Variants in CACNA1C observed in about 807,000 individuals in gnomAD.
CACNA1C encodes calcium voltage-gated channel subunit alpha1 C.
A neutral mutation model predicts 229.0 loss-of-function variants in CACNA1C; 30 were observed. The observed-to-expected ratio is 0.13, with a 90% CI of 0.10 to 0.18. The LOEUF is 0.18. Among genes scored for constraint, CACNA1C ranks in the 10% least tolerant of loss-of-function variants. CACNA1C has a pLI of 1.00. For missense variants in CACNA1C, 1,658 were observed against 2,845.0 expected, an observed-to-expected ratio of 0.58 and a Z score of 9.49; for synonymous variants, 1,114 against 1,132.5, an observed-to-expected ratio of 0.98 and a Z score of 0.33.
chr12:2,521,069 G>C (rs1197555496), intron 9 of CACNA1C, among the ~76,000 whole-genome samples: 1 of 152,232 alleles, frequency 6.6e-6, no homozygotes, highest in Non-Finnish European at 1.5e-5. Flanking sequence ...CGATAACCTT[G>C]ATAAGCCAAC....
intron 3 of CACNA1C, among the ~76,000 whole-genome samples, chr12:2,206,314 A>G (rs1173163346): frequency 1.3e-5 from 2 of 152,212 alleles, no homozygotes; most frequent in African/African-American, 4.8e-5. Flanking sequence ...GTATTTTAAA[A>G]AAGCAGATGA....
At chr12:2,363,888 A>G (rs1000000032) in intron 3 of CACNA1C, among the ~76,000 whole-genome samples, 8 of 152,198 alleles carry the variant, frequency 5.3e-5, no homozygotes, top group African/African-American at 1.7e-4. Context: ...TTCAAATAGT[A>G]GGCAGACCCC....
At chr12:2,384,273 A>G (rs2098327541) in intron 3 of CACNA1C, among the ~76,000 whole-genome samples, 1 of 152,162 alleles carries the variant, frequency 6.6e-6, no homozygotes. Context: ...TGTTTGTTAC[A>G]TCTTGTTTCT....
rs555617142 is a variant in CACNA1C at position 2,139,265 on chromosome 12, C to T, written c.477+18835C>T. Among the ~76,000 whole-genome samples, 26 of 151,106 alleles carry T rather than the reference C, an allele frequency of 1.7e-4. 1 individual carries two copies. The highest frequency in any genetic ancestry group is 1.5e-3 in the South Asian group (7 of 4,720). On this transcript the variant is annotated intron_variant, in intron 3 of 46. Transcript: ENST00000399655. Reference sequence around the variant, plus strand: ...TCTCTGCCTCCGTCTTCACATGGCGCGCTCCCCTGGGTGTTTGTGTCTCTG... The same window carrying T: ...TCTCTGCCTCCGTCTTCACATGGCGTGCTCCCCTGGGTGTTTGTGTCTCTG...
At chr12:2,291,363 C>T (rs1402506645) in intron 3 of CACNA1C, among the ~76,000 whole-genome samples, 3 of 152,180 alleles carry the variant, frequency 2.0e-5, no homozygotes, top group African/African-American at 7.2e-5. Context: ...CCTACTCCGC[C>T]GCAGAATTTG....
intron 3 of CACNA1C, among the ~76,000 whole-genome samples, chr12:2,306,941 A>T (rs868775430): frequency 8.5e-5 from 13 of 152,262 alleles, no homozygotes; most frequent in Middle Eastern, 3.4e-3. Context: ...GGCTGTCAGG[A>T]ATTATGCTGT....
chr12:2,430,431 C>T (rs909442139), intron 3 of CACNA1C, among the ~76,000 whole-genome samples: 1 of 152,100 alleles, frequency 6.6e-6, no homozygotes, highest in African/African-American at 2.4e-5. Flanking sequence ...GCAAAGTGAC[C>T]CAGATACCTT....
Position 1,987,319 on chromosome 12 carries a change from C to A in CACNA1C, c.139+16118C>A, listed in dbSNP as rs371211435. ...CTAGTATGCTACTCTTAAACAGGTG[C>A]ACACTGGGCTAGAAAGGCTTTTGTG... On this transcript the variant is annotated intron_variant, in intron 1 of 46. Transcript: ENST00000682462. Among the ~76,000 whole-genome samples, 4 of 152,184 alleles carry A rather than the reference C, an allele frequency of 2.6e-5. No homozygotes were observed. In the East Asian group the frequency reaches 7.7e-4, roughly 29 times the overall value.
chr12:2,103,286 A>G (rs1011342442), intron 1 of CACNA1C, among the ~76,000 whole-genome samples: 4 of 152,202 alleles, frequency 2.6e-5, no homozygotes, highest in Non-Finnish European at 5.9e-5. Context: ...TCTAACTGGC[A>G]TGAGATGGTA....
At chr12:2,201,086 G>A (rs2097568083) in intron 3 of CACNA1C, among the ~76,000 whole-genome samples, 1 of 152,128 alleles carries the variant, frequency 6.6e-6, no homozygotes, top group South Asian at 2.1e-4. Context: ...AAGAGTGGTG[G>A]TTTATCTTTC....
chr12:2,473,644 A>G (rs1284760917), intron 5 of CACNA1C, among the ~76,000 whole-genome samples: 1 of 152,186 alleles, frequency 6.6e-6, no homozygotes, highest in East Asian at 1.9e-4. Context: ...CCTTTTAAAG[A>G]TGTTGAAACC....
intron 3 of CACNA1C, among the ~76,000 whole-genome samples, chr12:2,193,522 G>A (rs932018074): frequency 6.6e-6 from 1 of 152,230 alleles, no homozygotes; most frequent in Non-Finnish European, 1.5e-5. Flanking sequence ...GGCTGGTGTT[G>A]AGAGCTCGCC....
chr12:2,473,806 A>G (rs1235793708), intron 5 of CACNA1C, among the ~76,000 whole-genome samples: 1 of 152,232 alleles, frequency 6.6e-6, no homozygotes, highest in Non-Finnish European at 1.5e-5. Flanking sequence ...ACCACTATAG[A>G]AAATTTGGTT....
intron 3 of CACNA1C, among the ~76,000 whole-genome samples, chr12:2,379,728 A>G (rs1217090713): frequency 1.3e-5 from 2 of 152,190 alleles, no homozygotes; most frequent in Non-Finnish European, 2.9e-5. Flanking sequence ...GATGCGGGAC[A>G]TAATAATATA....
chr12:2,679,450 G>C lies in CACNA1C; in HGVS notation c.5098G>C (p.Gly1700Arg), dbSNP rs761966966. ...CCCTCCTTCTTGCCTACAGAGGGCC[G>C]GTGGCCTGTTCGGCAACCACGTCAG... Reference protein sequence around the residue: ...ASEDDIFRRAGGLFGNHVSYY... With the variant: ...ASEDDIFRRARGLFGNHVSYY... Residue 1700 changes from glycine (G) to arginine (R), a missense_variant, in exon 42 of 47, where the codon GGT becomes CGT. Physicochemically the swap from Gly to Arg is moderately radical, Grantham distance 125. Around this residue, in one of 20 missense-constraint regions of CACNA1C, gnomAD observed 590 missense variants for 700.8 expected, o/e 0.84. Transcript: ENST00000399655. The surrounding 1 kb of genome is among the most constrained non-coding windows in gnomAD (Gnocchi z 5.5). The C allele has an allele frequency of 4.5e-5, 70 of 1,560,550 alleles. No homozygotes were observed. The highest frequency in any genetic ancestry group is 6.1e-5 in the Non-Finnish European group (70 of 1,152,112).
At chr12:2,421,228 G>A (rs1277244372) in intron 3 of CACNA1C, among the ~76,000 whole-genome samples, 3 of 152,280 alleles carry the variant, frequency 2.0e-5, no homozygotes. Flanking sequence ...AACTGGGTTT[G>A]CAACTATTTT....
intron 1 of CACNA1C, among the ~76,000 whole-genome samples, chr12:2,045,523 G>T (rs975051021): frequency 1.3e-5 from 2 of 152,192 alleles, no homozygotes; most frequent in Admixed American, 1.3e-4. Context: ...TGACTGAAAG[G>T]ATTGTTTAAG....
At chr12:2,659,928 T>A (rs374151951) in intron 34 of CACNA1C, 1 of 181,578 alleles carries the variant, frequency 5.5e-6, no homozygotes. Context: ...GGTGATCATC[T>A]ACTTCAAGAT....
chr12:2,436,738 A>G (rs190083476), intron 3 of CACNA1C, among the ~76,000 whole-genome samples: 93 of 152,360 alleles, frequency 6.1e-4, no homozygotes, highest in African/African-American at 2.0e-3. Context: ...GAGCCCATCA[A>G]TAGAGCTGCT....
Sources: allele counts gnomAD v4.1 joint callset (sites outside exome capture counted in the v4.1 genomes callset), GRCh38; gene constraint gnomAD v4.1.1; regional missense constraint gnomAD v4.1.1; non-coding constraint Gnocchi (gnomAD v3.1); transcripts MANE v1.5; gene names NCBI Gene and HGNC (gene_info 2026-07-23, HGNC 2026-07-21).